The following XCL1 variants were observed in gnomAD, a reference collection of about 807,000 sequenced individuals.
XCL1 encodes the protein X-C motif chemokine ligand 1, also known as lymphotactin.
Under a neutral mutation model 7.4 loss-of-function variants are expected in XCL1, and 6 were observed. That is an observed-to-expected ratio of 0.82 (90% CI 0.45 to 1.61). The LOEUF (loss-of-function observed/expected upper bound fraction) is 1.61. Among genes scored for constraint, XCL1 ranks in the 40% most tolerant of loss-of-function variants. The probability of loss-of-function intolerance (pLI) is 0.01; values close to 1 mark genes in which losing one functional copy is unlikely to be tolerated. For synonymous variants in XCL1, 48 were observed against 52.4 expected (o/e 0.92, Z 0.36); for missense variants, 122 against 138.2 (o/e 0.88, Z 0.59).
intron 1 of XCL1, among the ~76,000 whole-genome samples, chr1:168,576,903 G>C (rs1364807469): frequency 6.6e-6 from 1 of 152,062 alleles, no homozygotes; most frequent in Non-Finnish European, 1.5e-5. Context: ...TTAGTATCTG[G>C]GCTCCTACTT....
intron 1 of XCL1, 119 bp from the exon 2 acceptor site, chr1:168,579,944 A>G: frequency 1.9e-6 from 2 of 1,054,864 alleles, no homozygotes; most frequent in East Asian, 2.7e-5. Flanking sequence ...CTCTTCCCCC[A>G]AAAAGCAAAT....
chr1:168,578,707 G>A (rs1284840637), intron 1 of XCL1: 19 of 334,900 alleles, frequency 5.7e-5, no homozygotes, highest in Non-Finnish European at 9.6e-5. Flanking sequence ...TTGGCATTGT[G>A]AGCCACAGAT....
At chr1:168,581,013 A>G in intron 2 of XCL1, 39 bp from the exon 3 acceptor site, 2 of 1,606,810 alleles carry the variant, frequency 1.2e-6, no homozygotes, top group Non-Finnish European at 1.7e-6. Context: ...AGGCTTTGAG[A>G]ATGTGGCTAA....
rs1184190975 is a variant in XCL1 at position 168,578,189 on chromosome 1, G to A, written c.61+1491G>A. ...CTAAAAATAAATTGGCAAAGGTAGA[G>A]GATAGCAATGTGCAGACTGGCATTG... On this transcript the variant is annotated intron_variant, in intron 1 of 2. Transcript: ENST00000367818. Among the ~76,000 whole-genome samples, 3 of 152,198 alleles carry A rather than the reference G, an allele frequency of 2.0e-5. No individual in the cohort carries two copies. In the East Asian group the frequency reaches 5.8e-4, roughly 29 times the overall value.
chr1:168,579,950 C>G, intron 1 of XCL1, 113 bp from the exon 2 acceptor site: 2 of 1,101,308 alleles, frequency 1.8e-6, no homozygotes, highest in Non-Finnish European at 1.3e-6. Context: ...CCCCAAAAAG[C>G]AAATGGCCTT....
In XCL1 at chr1:168,580,186, G is replaced by A. The variant is rs1366489692; in HGVS notation, c.176+9G>A. The stretch of plus-strand genomic sequence containing the variant: ...TCCTTGAGAGCAGTAATGTGAGTCT[G>A]CCTCCTCAGAAGTTGTGCTGGGTGG... On this transcript the variant is annotated intron_variant, in intron 2 of 2. Transcript: ENST00000367818. 5.0e-6 allele frequency: 8 copies of A among 1,612,968 alleles called. No individual in the cohort carries two copies. Among genetic ancestry groups the A allele is most frequent in the East Asian group, 2.2e-5 (1 of 44,888 alleles).
In XCL1 at chr1:168,581,288, T is replaced by A. The variant is rs369551474; in HGVS notation, c.*68T>A. The stretch of plus-strand genomic sequence containing the variant: ...TCACTTTACACGCTCATGGACTGAG[T>A]TTATACTCACCTTTTATGAAAGCAC... On this transcript the variant is annotated 3_prime_UTR_variant, in exon 3 of 3. Transcript: ENST00000367818. 267 of 1,558,184 alleles carry A rather than the reference T, an allele frequency of 1.7e-4. 2 individuals are homozygous for A. In the East Asian group the frequency reaches 4.1e-3, roughly 24 times the overall value.
intron 1 of XCL1, chr1:168,578,729 G>T (rs541549563): frequency 1.3e-5 from 5 of 376,630 alleles, no homozygotes; most frequent in Admixed American, 3.5e-5. Flanking sequence ...TTGGACTCGG[G>T]ACATTGCAGA....
intron 1 of XCL1, among the ~76,000 whole-genome samples, 199 bp from the exon 2 acceptor site, chr1:168,579,864 G>A (rs1267616357): frequency 2.0e-5 from 3 of 152,054 alleles, no homozygotes; most frequent in African/African-American, 7.2e-5. Context: ...TGTTGATTGA[G>A]TTTTTAAATT....
rs577003542 is a variant in XCL1 at position 168,580,044 on chromosome 1, G to GT, written c.62-10dup. 2,606 of 1,501,088 alleles carry GT rather than the reference G, an allele frequency of 1.7e-3. No individual in the cohort carries two copies. The highest frequency in any genetic ancestry group is 2.8e-3 in the South Asian group (233 of 81,776). 93.0% of individuals were successfully genotyped at this position (1,501,088 alleles called of 1,614,324 possible). A position where few individuals can be genotyped will look rare whatever the true frequency, so the allele number is the denominator to read the frequency against. Reference sequence around the variant, plus strand: ...ATTGCTTTATTTTTAATTGTCTGTTGTTTTTTTTTCCTCACCAGGTGTAGG... The same window carrying GT: ...ATTGCTTTATTTTTAATTGTCTGTTGTTTTTTTTTTCCTCACCAGGTGTAGG... On this transcript the variant is annotated intron_variant, in intron 1 of 2. Coordinates refer to ENST00000367818, the MANE Select transcript of XCL1 (RefSeq NM_002995.3).
chr1:168,576,730 A>G (rs1487469003), intron 1 of XCL1, 32 bp downstream of exon 1: 4 of 1,613,538 alleles, frequency 2.5e-6, no homozygotes, highest in Admixed American at 3.3e-5. Context: ...GAGATAAAGA[A>G]CAGGGAGGCA....
chr1:168,577,493 T>C (rs140124224), intron 1 of XCL1, among the ~76,000 whole-genome samples: 56 of 152,290 alleles, frequency 3.7e-4, no homozygotes, highest in Admixed American at 1.8e-3. Context: ...GAGCATTCAG[T>C]AGGTATTTCT....
intron 1 of XCL1, chr1:168,578,879 C>T (rs1012535548): frequency 1.0e-5 from 4 of 391,506 alleles, no homozygotes; most frequent in African/African-American, 8.4e-5. Context: ...GCCTTCTTAC[C>T]CCTTGATAAT....
rs774737259 is a variant in XCL1, at chr1:168,580,153, C to T, written c.152C>T (p.Thr51Met). ...AGCAGAATCAAGACCTACACCATCACGGAAGGCTCCTTGAGAGCAGTAATG... is the reference window on the plus strand; with the variant it reads ...AGCAGAATCAAGACCTACACCATCATGGAAGGCTCCTTGAGAGCAGTAATG... The part of the protein sequence containing the change: ...PVSRIKTYTI[T>M]EGSLRAVIFI... Residue 51 changes from threonine (T) to methionine (M), a missense_variant, in exon 2 of 3, where the codon ACG becomes ATG. Thr to Met is a moderately conservative substitution (Grantham distance 81). Coordinates refer to ENST00000367818, the MANE Select transcript of XCL1 (RefSeq NM_002995.3). 6.8e-6 allele frequency: 11 copies of T among 1,613,774 alleles called. No homozygotes were observed. Among genetic ancestry groups the T allele is most frequent in the Admixed American group, 1.7e-5 (1 of 59,994 alleles).
At chr1:168,576,755 A>G (rs1486854538) in intron 1 of XCL1, 57 bp downstream of exon 1, 1 of 1,612,390 alleles carries the variant, frequency 6.2e-7, no homozygotes, top group Non-Finnish European at 8.5e-7. Context: ...AGGTGGGCAC[A>G]CATTTTGGGT....
intron 2 of XCL1, among the ~76,000 whole-genome samples, chr1:168,580,596 C>T (rs1383822287): frequency 6.6e-6 from 1 of 152,184 alleles, no homozygotes; most frequent in East Asian, 1.9e-4. Context: ...GCACAACCTA[C>T]ATGGTCCCTT....
chr1:168,578,837 G>C, intron 1 of XCL1: 1 of 419,592 alleles, frequency 2.4e-6, no homozygotes, highest in South Asian at 1.9e-5. Flanking sequence ...AGGCCACAGT[G>C]GTGCTTCCTG....
chr1:168,581,278 A>G lies in XCL1; in HGVS notation c.*58A>G, dbSNP rs1313308933. Reference sequence around the variant, plus strand: ...CCAGCTCATTTCACTTTACACGCTCATGGACTGAGTTTATACTCACCTTTT... The same window carrying G: ...CCAGCTCATTTCACTTTACACGCTCGTGGACTGAGTTTATACTCACCTTTT... On this transcript the variant is annotated 3_prime_UTR_variant, in exon 3 of 3. Transcript: ENST00000367818. 22 of 1,593,102 alleles carry G rather than the reference A, an allele frequency of 1.4e-5. No homozygotes were observed. Among genetic ancestry groups the G allele is most frequent in the Non-Finnish European group, 1.9e-5 (22 of 1,167,384 alleles).
At chr1:168,581,028 G>T (rs6688290) in intron 2 of XCL1, 24 bp from the exon 3 acceptor site, 18 of 1,605,528 alleles carry the variant, frequency 1.1e-5, no homozygotes, top group Non-Finnish European at 1.5e-5. Flanking sequence ...GGCTAACTTC[G>T]TCTGTCTTTT....
Sources: allele counts gnomAD v4.1 joint callset (sites outside exome capture counted in the v4.1 genomes callset), GRCh38; gene constraint gnomAD v4.1.1; transcripts MANE v1.5; gene names NCBI Gene and HGNC (gene_info 2026-07-23, HGNC 2026-07-21).